Variants in TANC2 observed in about 807,000 individuals in gnomAD.
TANC2 encodes the protein tetratricopeptide repeat, ankyrin repeat and coiled-coil containing 2.
TANC2 carries 26 observed loss-of-function variants against 210.5 expected under a neutral mutation model. That is an observed-to-expected ratio of 0.12 (90% CI 0.09 to 0.17). The LOEUF (loss-of-function observed/expected upper bound fraction) is 0.17, where lower values mean the gene tolerates loss of function less well. TANC2 is among the 10% of genes least tolerant of loss of function. TANC2 has a pLI of 1.00. For missense variants in TANC2, 2,129 were observed against 2,608.9 expected, an observed-to-expected ratio of 0.82 and a Z score of 4.01; for synonymous variants, 931 against 967.1, an observed-to-expected ratio of 0.96 and a Z score of 0.69.
chr17:63,114,861 C>A (rs904297811), intron 4 of TANC2, among the ~76,000 whole-genome samples: 1 of 152,050 alleles, frequency 6.6e-6, no homozygotes, highest in African/African-American at 2.4e-5. Context: ...CTCTCTCCAC[C>A]CTTAAGTTAA....
intron 3 of TANC2, among the ~76,000 whole-genome samples, chr17:63,076,776 T>C (rs2036585868): frequency 6.6e-6 from 1 of 152,124 alleles, no homozygotes; most frequent in African/African-American, 2.4e-5. Context: ...CTCTTAGGCA[T>C]TGAAATTCTG....
At chr17:63,256,541 G>A (rs1202175562) in intron 8 of TANC2, among the ~76,000 whole-genome samples, 1 of 152,154 alleles carries the variant, frequency 6.6e-6, no homozygotes, top group East Asian at 1.9e-4. Context: ...AATGATCCAT[G>A]TGCTGAAAAG....
chr17:63,101,426 A>C (rs946851086), intron 4 of TANC2, among the ~76,000 whole-genome samples: 1 of 152,220 alleles, frequency 6.6e-6, no homozygotes. Context: ...ATTACCAACC[A>C]AACTGAATGA....
intron 11 of TANC2, among the ~76,000 whole-genome samples, chr17:63,331,554 G>T (rs1474049098): frequency 6.6e-6 from 1 of 152,158 alleles, no homozygotes; most frequent in Non-Finnish European, 1.5e-5. Context: ...CGTATTACTG[G>T]TGAGGAAGCC....
At chr17:63,034,605 A>G (rs1417582024) in intron 2 of TANC2, among the ~76,000 whole-genome samples, 1 of 152,214 alleles carries the variant, frequency 6.6e-6, no homozygotes, top group Non-Finnish European at 1.5e-5. Context: ...AGGATTCACC[A>G]TTCTAGATGC....
At chr17:63,061,920 TTTTA>T (rs2036011854) in intron 2 of TANC2, among the ~76,000 whole-genome samples, 1 of 152,156 alleles carries the variant, frequency 6.6e-6, no homozygotes, top group South Asian at 2.1e-4. Context: ...CTGAAATGAA[TTTTA>T]TTTATAATTC....
chr17:63,018,480 CAAAA>C (rs1294287768), intron 2 of TANC2, among the ~76,000 whole-genome samples: 2 of 89,196 alleles, frequency 2.2e-5, no homozygotes, highest in African/African-American at 8.0e-5. Flanking sequence ...GACTCTGTCT[CAAAA>C]AAAAAAAATA....
At chr17:63,080,887 C>T (rs1026423929) in intron 3 of TANC2, among the ~76,000 whole-genome samples, 1 of 152,046 alleles carries the variant, frequency 6.6e-6, no homozygotes, top group Non-Finnish European at 1.5e-5. Context: ...GGTGCATAAT[C>T]CTCATTTAAT....
rs767664750 is a variant in TANC2 at position 63,267,054 on chromosome 17, A to G, written c.1034-694A>G. 1.2e-4 allele frequency among the ~76,000 whole-genome samples: 18 copies of G among 152,142 alleles called. 1 individual carries two copies. In the Middle Eastern group the frequency reaches 0.01, roughly 86 times the overall value. On this transcript the variant is annotated intron_variant, in intron 8 of 27. Coordinates refer to ENST00000689528, the Ensembl canonical transcript of TANC2. ...TTTTTTGTGGAGACAGGGTTTTGCC[A>G]TGTTGCCCAGGCTGGTCTTGAACTC...
exon 2 of TANC2, chr17:63,009,616 C>T: frequency 1.2e-6 from 2 of 1,612,794 alleles, no homozygotes; most frequent in Non-Finnish European, 1.7e-6. Flanking sequence ...GTCGTAAAAA[C>T]AGGTCAAGTG....
exon 17 of TANC2, chr17:63,389,356 G>A: frequency 1.2e-6 from 2 of 1,613,988 alleles, no homozygotes; most frequent in Non-Finnish European, 1.7e-6. Flanking sequence ...TTACCGGACA[G>A]AGGTTTTAAA....
intron 4 of TANC2, chr17:63,148,480 T>A (rs1423834585): frequency 3.3e-5 from 5 of 152,144 alleles, no homozygotes. Context: ...ACCTAGATTT[T>A]TCAGATCACT....
intron 5 of TANC2, among the ~76,000 whole-genome samples, chr17:63,192,777 A>G (rs769100062): frequency 4.6e-5 from 7 of 152,258 alleles, no homozygotes; most frequent in African/African-American, 1.7e-4. Flanking sequence ...AAGTGTTTAC[A>G]CTAGTGACTT....
chr17:63,340,108 C>T (rs763000493), exon 12 of TANC2: 1 of 1,613,354 alleles, frequency 6.2e-7, no homozygotes, highest in Non-Finnish European at 8.5e-7. Flanking sequence ...CAGGTGGTTG[C>T]CTATCACTAT....
At chr17:63,097,750 T>C (rs1032402255) in intron 3 of TANC2, among the ~76,000 whole-genome samples, 11 of 152,324 alleles carry the variant, frequency 7.2e-5, no homozygotes, top group African/African-American at 2.6e-4. Context: ...GCATTGTCTT[T>C]TCACTCTCTT....
At chr17:63,252,886 G>A (rs1317206207) in intron 8 of TANC2, among the ~76,000 whole-genome samples, 56 of 152,102 alleles carry the variant, frequency 3.7e-4, no homozygotes, top group Admixed American at 6.5e-4. Context: ...GTCTTCTGTT[G>A]ATGGACACTT....
intron 9 of TANC2, among the ~76,000 whole-genome samples, chr17:63,310,086 G>T (rs2045067644): frequency 6.6e-6 from 1 of 152,068 alleles, no homozygotes; most frequent in African/African-American, 2.4e-5. Context: ...AACACTAAAG[G>T]CAGAACCCAT....
intron 3 of TANC2, among the ~76,000 whole-genome samples, chr17:63,097,138 G>A (rs1186368479): frequency 4.0e-5 from 6 of 151,594 alleles, no homozygotes; most frequent in East Asian, 3.9e-4. Context: ...CCTCCTGGGC[G>A]CAAGTGATCC....
intron 2 of TANC2, among the ~76,000 whole-genome samples, chr17:63,053,235 A>G (rs1053400404): frequency 6.6e-6 from 1 of 152,222 alleles, no homozygotes; most frequent in South Asian, 2.1e-4. Context: ...GTCCATGTCT[A>G]GTGAGAGATA....
Sources: gnomAD v4.1 joint callset for allele counts (sites outside exome capture counted in the v4.1 genomes callset) on GRCh38, gnomAD v4.1.1 for gene constraint, MANE v1.5 for transcripts, NCBI Gene and HGNC (gene_info 2026-07-23, HGNC 2026-07-21) for gene names.